The following KCNIP4 variants were observed in gnomAD, a reference collection of about 807,000 sequenced individuals.
KCNIP4 encodes the protein potassium voltage-gated channel interacting protein 4.
KCNIP4 carries 12 observed loss-of-function variants against 34.0 expected under a neutral mutation model. That is an observed-to-expected ratio of 0.35 (90% CI 0.23 to 0.57). The LOEUF is 0.57. Ranked by LOEUF, KCNIP4 falls within the 20% of genes least tolerant of loss-of-function variation. The pLI, the probability that KCNIP4 is intolerant of heterozygous loss-of-function variation, is 0.83. For missense variants in KCNIP4, 238 were observed against 311.7 expected (o/e 0.76, Z 1.78); for synonymous variants, 124 against 102.2 (o/e 1.21, Z -1.29).
At chr4:21,003,579 T>C (rs1487769162) in intron 1 of KCNIP4, among the ~76,000 whole-genome samples, 1 of 152,228 alleles carries the variant, frequency 6.6e-6, no homozygotes, top group Non-Finnish European at 1.5e-5. Flanking sequence ...GGAAAGCTTC[T>C]GCCTTAAAGA....
At chr4:21,402,029 T>C (rs1192454911) in intron 1 of KCNIP4, among the ~76,000 whole-genome samples, 1 of 152,182 alleles carries the variant, frequency 6.6e-6, no homozygotes, top group Non-Finnish European at 1.5e-5. Context: ...AAGCAAGAAA[T>C]GTCCTATTAA....
chr4:21,118,248 C>T (rs1005091508), intron 1 of KCNIP4, among the ~76,000 whole-genome samples: 1 of 152,142 alleles, frequency 6.6e-6, no homozygotes, highest in Non-Finnish European at 1.5e-5. Flanking sequence ...AATCCACAAA[C>T]CCTGCAGCAA....
chr4:20,828,800 G>T (rs577541052), intron 3 of KCNIP4, among the ~76,000 whole-genome samples: 2 of 152,156 alleles, frequency 1.3e-5, no homozygotes, highest in South Asian at 2.1e-4. Flanking sequence ...ACACATAAAA[G>T]ATTTTTGATG....
chr4:21,330,956 A>G (rs1464315088), intron 1 of KCNIP4, among the ~76,000 whole-genome samples: 1 of 152,134 alleles, frequency 6.6e-6, no homozygotes, highest in Non-Finnish European at 1.5e-5. Flanking sequence ...CTGCCCCTTT[A>G]AAGCCCAACC....
At chr4:21,061,364 T>C (rs1229246212) in intron 1 of KCNIP4, among the ~76,000 whole-genome samples, 1 of 152,180 alleles carries the variant, frequency 6.6e-6, no homozygotes, top group Non-Finnish European at 1.5e-5. Context: ...AAAAATAGTT[T>C]ACTGGCTTAT....
At chr4:21,867,194 T>A (rs765834839) in intron 1 of KCNIP4, among the ~76,000 whole-genome samples, 16 of 152,190 alleles carry the variant, frequency 1.1e-4, no homozygotes, top group Non-Finnish European at 1.9e-4. Context: ...TCTGCCTCCA[T>A]GACATATTGC....
intron 1 of KCNIP4, among the ~76,000 whole-genome samples, chr4:21,086,548 T>C (rs898687272): frequency 2.0e-5 from 3 of 152,202 alleles, no homozygotes; most frequent in African/African-American, 7.2e-5. Flanking sequence ...CTTTTTCTCA[T>C]GAAGTATAAT....
At chr4:21,025,473 T>TGAGAGAGAGAGAGAGAGAGAGA (rs33926876) in intron 1 of KCNIP4, among the ~76,000 whole-genome samples, 1 of 95,112 alleles carries the variant, frequency 1.1e-5, no homozygotes, top group East Asian at 3.0e-4. Context: ...TGAAAACAAC[T>TGAGAGAGAGAGAGAGAGAGAGA]GAGAGAGAGA....
chr4:21,562,210 A>C (rs1218758403), intron 1 of KCNIP4, among the ~76,000 whole-genome samples: 2 of 127,368 alleles, frequency 1.6e-5, no homozygotes, highest in Non-Finnish European at 1.7e-5. Flanking sequence ...CAAATAAACC[A>C]AAGGTTTAAT....
At chr4:21,857,216 A>C (rs1724814785) in intron 1 of KCNIP4, among the ~76,000 whole-genome samples, 1 of 152,202 alleles carries the variant, frequency 6.6e-6, no homozygotes, top group African/African-American at 2.4e-5. Flanking sequence ...AGTCCATACA[A>C]ACCCCAGAAC....
chr4:21,239,751 T>C (rs1323850626), intron 1 of KCNIP4, among the ~76,000 whole-genome samples: 2 of 152,058 alleles, frequency 1.3e-5, no homozygotes, highest in East Asian at 3.9e-4. Context: ...TGTGGAGAAA[T>C]AGGAACACTT....
chr4:20,768,036 A>G (rs889158716), intron 3 of KCNIP4, among the ~76,000 whole-genome samples: 2 of 152,216 alleles, frequency 1.3e-5, no homozygotes, highest in African/African-American at 4.8e-5. Context: ...CTGGCATTCT[A>G]TAATTGCAGG....
At chr4:21,237,402 C>T (rs1002491320) in intron 1 of KCNIP4, among the ~76,000 whole-genome samples, 1 of 152,060 alleles carries the variant, frequency 6.6e-6, no homozygotes, top group Non-Finnish European at 1.5e-5. Context: ...TAATTTTGGT[C>T]CACATAGATC....
chr4:21,525,150 A>T (rs1179442994), intron 1 of KCNIP4, among the ~76,000 whole-genome samples: 3 of 152,216 alleles, frequency 2.0e-5, no homozygotes, highest in African/African-American at 4.8e-5. Flanking sequence ...AAATATCTCA[A>T]AAAGAGACTT....
At chr4:21,696,469 C>T (rs1304414968) in intron 1 of KCNIP4, among the ~76,000 whole-genome samples, 1 of 152,006 alleles carries the variant, frequency 6.6e-6, no homozygotes, top group Non-Finnish European at 1.5e-5. Context: ...AAATATAGGT[C>T]AGTATTTGAA....
intron 1 of KCNIP4, among the ~76,000 whole-genome samples, chr4:21,033,078 A>C (rs945699714): frequency 6.6e-6 from 1 of 152,154 alleles, no homozygotes; most frequent in Non-Finnish European, 1.5e-5. Flanking sequence ...TTCTACTACT[A>C]CTAATAACAA....
At chr4:21,604,935 A>T (rs1743512932) in intron 1 of KCNIP4, among the ~76,000 whole-genome samples, 1 of 152,216 alleles carries the variant, frequency 6.6e-6, no homozygotes, top group African/African-American at 2.4e-5. Flanking sequence ...TTCCAAATGT[A>T]TTAGGACATT....
chr4:20,754,097 G>C (rs1372301470), intron 4 of KCNIP4, among the ~76,000 whole-genome samples: 1 of 152,168 alleles, frequency 6.6e-6, no homozygotes, highest in African/African-American at 2.4e-5. Flanking sequence ...AGTTTAAGAA[G>C]TTTTTGTGTA....
intron 1 of KCNIP4, among the ~76,000 whole-genome samples, chr4:21,530,443 A>G (rs1736579005): frequency 6.6e-6 from 1 of 152,090 alleles, no homozygotes; most frequent in African/African-American, 2.4e-5. Flanking sequence ...TTTTCTTTCT[A>G]TTTTATAATA....
Sources: allele counts gnomAD v4.1 joint callset (sites outside exome capture counted in the v4.1 genomes callset), GRCh38; gene constraint gnomAD v4.1.1; transcripts MANE v1.5; gene names NCBI Gene and HGNC (gene_info 2026-07-23, HGNC 2026-07-21).